Variants in ERC1 observed in about 807,000 individuals in gnomAD.
The protein encoded by ERC1 is RAB6 interacting protein 2.
A neutral mutation model predicts 132.0 loss-of-function variants in ERC1; 56 were observed. The ratio of observed to expected loss-of-function variants is 0.42; its 90% CI spans 0.34 to 0.53. The LOEUF (loss-of-function observed/expected upper bound fraction) is 0.53, where lower values mean the gene tolerates loss of function less well. Among genes scored for constraint, ERC1 ranks in the 20% least tolerant of loss-of-function variants. The pLI is 0.03. For synonymous variants in ERC1, 478 were observed against 476.1 expected, an observed-to-expected ratio of 1.00 and a Z score of -0.05; for missense variants, 1,202 against 1,349.9, an observed-to-expected ratio of 0.89 and a Z score of 1.72.
At chr12:1,135,852 C>T (rs1949197395) in intron 7 of ERC1, among the ~76,000 whole-genome samples, 1 of 152,166 alleles carries the variant, frequency 6.6e-6, no homozygotes, top group South Asian at 2.1e-4. Context: ...TGTTTAAAGC[C>T]ACCTGGTTTG....
chr12:1,417,712 CAA>C (rs1193329553), intron 17 of ERC1, among the ~76,000 whole-genome samples: 1 of 141,504 alleles, frequency 7.1e-6, no homozygotes, highest in Non-Finnish European at 1.5e-5. Context: ...ACGCAGGAGA[CAA>C]AGGTTGCAGT....
intron 13 of ERC1, among the ~76,000 whole-genome samples, chr12:1,239,412 C>T (rs947886173): frequency 5.3e-5 from 8 of 152,198 alleles, no homozygotes; most frequent in Admixed American, 1.3e-4. Context: ...CCCACCACTG[C>T]GTTGTCATTT....
At chr12:1,385,577 GC>G (rs1276792823) in intron 16 of ERC1, among the ~76,000 whole-genome samples, 2 of 152,194 alleles carry the variant, frequency 1.3e-5, no homozygotes, top group Non-Finnish European at 2.9e-5. Context: ...GAGCCACCGC[GC>G]CCGGCCCCTA....
At chr12:1,338,982 A>G (rs569411543) in intron 15 of ERC1, among the ~76,000 whole-genome samples, 1 of 152,332 alleles carries the variant, frequency 6.6e-6, no homozygotes, top group East Asian at 1.9e-4. Context: ...GTGTCTGCCA[A>G]AGTGCTTCAT....
intron 9 of ERC1, 128 bp downstream of exon 9, chr12:1,180,805 T>TA: frequency 4.4e-6 from 5 of 1,129,864 alleles, no homozygotes; most frequent in Non-Finnish European, 5.0e-6. Flanking sequence ...ATTGCTGACA[T>TA]ACGTAGTGTG....
chr12:1,051,373 C>G (rs1346832506), intron 2 of ERC1, among the ~76,000 whole-genome samples: 1 of 151,954 alleles, frequency 6.6e-6, no homozygotes, highest in African/African-American at 2.4e-5. Flanking sequence ...TACTAAAATA[C>G]ACTTATCTCG....
chr12:1,169,484 T>G (rs1027733588), intron 8 of ERC1, among the ~76,000 whole-genome samples: 7 of 152,180 alleles, frequency 4.6e-5, no homozygotes, highest in Non-Finnish European at 8.8e-5. Context: ...TCGCTCCCTC[T>G]GTACAATCCT....
intron 18 of ERC1, among the ~76,000 whole-genome samples, chr12:1,456,490 A>G (rs1449737022): frequency 6.6e-6 from 1 of 152,058 alleles, no homozygotes; most frequent in Non-Finnish European, 1.5e-5. Flanking sequence ...AGCTGAGTAA[A>G]CTTGGGTCAG....
chr12:1,415,170 T>C (rs143323870), intron 17 of ERC1, among the ~76,000 whole-genome samples: 23 of 152,336 alleles, frequency 1.5e-4, no homozygotes, highest in African/African-American at 5.3e-4. Context: ...GTAGAAACTT[T>C]CCTTCCAGTA....
At chr12:1,092,264 T>C (rs181331222) in intron 3 of ERC1, among the ~76,000 whole-genome samples, 199 of 152,306 alleles carry the variant, frequency 1.3e-3, no homozygotes, top group African/African-American at 4.5e-3. Flanking sequence ...CCTAATATGC[T>C]GGGATTATAG....
In ERC1 at chr12:1,115,735, A is replaced by T. The variant is rs1039598174; in HGVS notation, c.1402-131A>T. 7 of 736,214 alleles carry T rather than the reference A, an allele frequency of 9.5e-6. No individual in the cohort carries two copies. The African/African-American group carries it at 1.3e-4, about 13-fold the overall frequency. 45.6% of individuals were successfully genotyped at this position (736,214 alleles called of 1,614,324 possible). A position where few individuals can be genotyped will look rare whatever the true frequency, so the allele number is the denominator to read the frequency against. ...ATCCAAGGTTATGTCATGCAAAAAG[A>T]TGAATATGACCTATCACACAGTTCG... On this transcript the variant is annotated intron_variant, in intron 6 of 18. Transcript: ENST00000360905.
At chr12:1,248,261 G>C (rs1462616195) in intron 13 of ERC1, among the ~76,000 whole-genome samples, 1 of 152,120 alleles carries the variant, frequency 6.6e-6, no homozygotes, top group Non-Finnish European at 1.5e-5. Context: ...CTAATCTTTG[G>C]TTATACAGCA....
chr12:1,417,381 T>C (rs75321406), intron 17 of ERC1, among the ~76,000 whole-genome samples: 2,922 of 151,784 alleles, frequency 0.019, 38 homozygotes, highest in Middle Eastern at 0.059. Context: ...TAAGTCACCA[T>C]CTCATCTCAT....
intron 14 of ERC1, among the ~76,000 whole-genome samples, chr12:1,273,347 C>G (rs1335774633): frequency 6.6e-6 from 1 of 152,182 alleles, no homozygotes; most frequent in Non-Finnish European, 1.5e-5. Context: ...TAGCAATGCT[C>G]ACTCGTAGTG....
At chr12:1,031,710 AAGAAG>A (rs1968077763) in intron 2 of ERC1, among the ~76,000 whole-genome samples, 1 of 152,182 alleles carries the variant, frequency 6.6e-6, no homozygotes, top group Non-Finnish European at 1.5e-5. Flanking sequence ...AGCTTCTTTA[AAGAAG>A]AGAAATTGTC....
chr12:1,258,527 C>A (rs1387694543), intron 13 of ERC1, among the ~76,000 whole-genome samples: 3 of 152,190 alleles, frequency 2.0e-5, no homozygotes, highest in Admixed American at 2.0e-4. Flanking sequence ...AAGTCTGTTG[C>A]ATTTCATGAT....
At position 1,445,403 on chromosome 12, in the gene ERC1, G is replaced by T. The variant is rs145771973; in HGVS notation, c.3213+653G>T. Among the ~76,000 whole-genome samples the T allele has an allele frequency of 2.2e-4, 33 of 151,818 alleles. No individual in the cohort carries two copies. In the East Asian group the frequency reaches 5.2e-3, roughly 24 times the overall value. Reference sequence around the variant, plus strand: ...TGCCAACATGCCCGGCTAGTTTTTTGTGTTTTCAGTAGAGATGGGGTTTCA... The same window carrying T: ...TGCCAACATGCCCGGCTAGTTTTTTTTGTTTTCAGTAGAGATGGGGTTTCA... On this transcript the variant is annotated intron_variant, in intron 18 of 18. Transcript: ENST00000360905.
At chr12:1,246,709 C>T (rs926346786) in intron 13 of ERC1, among the ~76,000 whole-genome samples, 2 of 152,138 alleles carry the variant, frequency 1.3e-5, no homozygotes, top group Non-Finnish European at 2.9e-5. Context: ...CCTCATGAAC[C>T]CCTTGATACA....
At chr12:1,286,911 G>A (rs1051531255) in intron 14 of ERC1, among the ~76,000 whole-genome samples, 4 of 152,146 alleles carry the variant, frequency 2.6e-5, no homozygotes, top group East Asian at 1.9e-4. Flanking sequence ...AGTTCATTAC[G>A]TGTTCTAGAA....
Sources: gnomAD v4.1 joint callset for allele counts (sites outside exome capture counted in the v4.1 genomes callset) on GRCh38, gnomAD v4.1.1 for gene constraint, MANE v1.5 for transcripts, NCBI Gene and HGNC (gene_info 2026-07-23, HGNC 2026-07-21) for gene names.